CIMAP2: variants seen among roughly 807,000 people sequenced by gnomAD.
CIMAP2 encodes ciliary microtubule associated protein 2.
At chr1:54,830,309 G>A in the CIMAP2 span, among the ~76,000 whole-genome samples, 6 of 151,948 alleles carry the variant, frequency 3.9e-5, no homozygotes, top group Admixed American at 6.6e-5. This position sits in a 1 kb window ranked among gnomAD's most constrained non-coding sequence, Gnocchi z 4.1. Flanking sequence ...CACAACCTTC[G>A]CCTCCTGGGC....
the CIMAP2 span, chr1:54,806,206 G>C: frequency 6.5e-7 from 1 of 1,540,306 alleles, no homozygotes; most frequent in Non-Finnish European, 8.7e-7. Flanking sequence ...CGCCCTTCGG[G>C]GTGCAGAGCC....
At chr1:54,810,658 T>C in the CIMAP2 span, among the ~76,000 whole-genome samples, 1 of 152,198 alleles carries the variant, frequency 6.6e-6, no homozygotes, top group African/African-American at 2.4e-5. Flanking sequence ...TGACCCCGCA[T>C]GGCTAAAAGG....
the CIMAP2 span, chr1:54,812,295 GC>G: frequency 3.4e-6 from 5 of 1,476,878 alleles, 1 homozygote; most frequent in South Asian, 6.1e-5. Context: ...TCTGCACCGG[GC>G]CTTTCCCACA....
chr1:54,825,185 A>G, the CIMAP2 span, among the ~76,000 whole-genome samples: 15 of 150,250 alleles, frequency 1.0e-4, no homozygotes, highest in Non-Finnish European at 2.1e-4. Flanking sequence ...CGAGTAGCTG[A>G]GACTACAGGC....
chr1:54,815,056 T>TGCCACTGTA, the CIMAP2 span: 1 of 1,613,114 alleles, frequency 6.2e-7, no homozygotes, highest in Non-Finnish European at 8.5e-7. Context: ...GGGTCTGGGG[T>TGCCACTGTA]GAGGGATACA....
chr1:54,811,791 C>A, the CIMAP2 span: 5 of 1,596,896 alleles, frequency 3.1e-6, no homozygotes, highest in Admixed American at 1.7e-5. Context: ...CCCCGCCCCA[C>A]AGAACTACTA....
the CIMAP2 span, among the ~76,000 whole-genome samples, chr1:54,819,945 G>T: frequency 0.21 from 21,401 of 101,440 alleles, 2,750 homozygotes; most frequent in African/African-American, 0.38. Flanking sequence ...TTTTCTTTCT[G>T]TCCTTCTTTC....
chr1:54,831,352 G>C, the CIMAP2 span, among the ~76,000 whole-genome samples: 1 of 152,152 alleles, frequency 6.6e-6, no homozygotes, highest in Non-Finnish European at 1.5e-5. Flanking sequence ...TTAACATGGA[G>C]AGCTTAAGAA....
At chr1:54,840,346 G>A in the CIMAP2 span, among the ~76,000 whole-genome samples, 12 of 152,194 alleles carry the variant, frequency 7.9e-5, no homozygotes, top group East Asian at 1.7e-3. Flanking sequence ...GTTGGATTGC[G>A]TTGTATGGTT....
At chr1:54,815,006 T>G in the CIMAP2 span, 18 of 1,614,104 alleles carry the variant, frequency 1.1e-5, no homozygotes, top group Admixed American at 1.7e-5. Context: ...AGGGGTCAGG[T>G]GCAAAGGCCT....
At chr1:54,837,454 T>C in the CIMAP2 span, among the ~76,000 whole-genome samples, 1 of 152,254 alleles carries the variant, frequency 6.6e-6, no homozygotes, top group African/African-American at 2.4e-5. Flanking sequence ...ATGGGCACAA[T>C]GAAGCCTGTC....
At chr1:54,808,612 C>CGGGGGGGGGGGGGGG in the CIMAP2 span, among the ~76,000 whole-genome samples, 7 of 67,314 alleles carry the variant, frequency 1.0e-4, no homozygotes, top group Admixed American at 1.5e-4. Flanking sequence ...CAGGTGCTGC[C>CGGGGGGGGGGGGGGG]GGGGGAGGGC....
the CIMAP2 span, among the ~76,000 whole-genome samples, chr1:54,812,358 G>C: frequency 2.0e-5 from 3 of 152,206 alleles, no homozygotes; most frequent in Non-Finnish European, 2.9e-5. Flanking sequence ...CCCATGTTAG[G>C]TAGGGAAAAC....
chr1:54,836,273 C>T, the CIMAP2 span, among the ~76,000 whole-genome samples: 1 of 150,400 alleles, frequency 6.6e-6, no homozygotes, highest in South Asian at 2.1e-4. Flanking sequence ...TCCCGCCTGC[C>T]TACCTGCCCG....
chr1:54,825,286 C>T, the CIMAP2 span, among the ~76,000 whole-genome samples: 12 of 151,858 alleles, frequency 7.9e-5, no homozygotes, highest in Admixed American at 5.3e-4. Context: ...CTCCTGACCT[C>T]GTGATCCTCC....
the CIMAP2 span, chr1:54,812,243 C>T: frequency 6.2e-7 from 1 of 1,606,124 alleles, no homozygotes. Flanking sequence ...GGATGACAGG[C>T]CTCACTAGTC....
the CIMAP2 span, among the ~76,000 whole-genome samples, chr1:54,819,582 G>A: frequency 6.6e-6 from 1 of 152,150 alleles, no homozygotes; most frequent in African/African-American, 2.4e-5. Flanking sequence ...TGTTGCCAAG[G>A]CTTGTCTTGA....
At chr1:54,838,990 G>T in the CIMAP2 span, among the ~76,000 whole-genome samples, 1 of 152,164 alleles carries the variant, frequency 6.6e-6, no homozygotes, top group Non-Finnish European at 1.5e-5. Context: ...ACATTGGAAA[G>T]GCCACCAATA....
the CIMAP2 span, chr1:54,812,078 CA>C: frequency 3.1e-6 from 5 of 1,614,064 alleles, no homozygotes; most frequent in Non-Finnish European, 4.2e-6. Context: ...CCTACTTCTT[CA>C]AAAGCGACCT....
Sources: allele counts gnomAD v4.1 joint callset (sites outside exome capture counted in the v4.1 genomes callset), GRCh38; gene constraint gnomAD v4.1.1; non-coding constraint Gnocchi (gnomAD v3.1); transcripts MANE v1.5; gene names NCBI Gene and HGNC (gene_info 2026-07-23, HGNC 2026-07-21).